Variants in DAB1 observed in about 807,000 individuals in gnomAD.
DAB1 encodes DAB adaptor protein 1, also known as disabled homolog 1.
A neutral mutation model predicts 64.6 loss-of-function variants in DAB1; 15 were observed. The ratio of observed to expected loss-of-function variants is 0.23; its 90% CI spans 0.16 to 0.36. The LOEUF is 0.36. Among genes scored for constraint, DAB1 ranks in the 10% least tolerant of loss-of-function variants. The probability of loss-of-function intolerance (pLI) is 1.00; values close to 1 mark genes in which losing one functional copy is unlikely to be tolerated. For synonymous variants in DAB1, 235 were observed against 251.9 expected (o/e 0.93, Z 0.64); for missense variants, 596 against 706.7 (o/e 0.84, Z 1.78).
chr1:57,586,416 G>T (rs1253755355), intron 7 of DAB1, among the ~76,000 whole-genome samples: 1 of 152,100 alleles, frequency 6.6e-6, no homozygotes, highest in Non-Finnish European at 1.5e-5. Flanking sequence ...CTGAGGGCAG[G>T]AAATGTAATA....
At position 58,090,526 on chromosome 1, in the gene DAB1, G is replaced by T. The variant is rs144787500; in HGVS notation, n.387+59985C>A. 7.5e-3 allele frequency among the ~76,000 whole-genome samples: 1,138 copies of T among 152,244 alleles called. 21 individuals carry two copies. The highest frequency in any genetic ancestry group is 0.024 in the African/African-American group (1,004 of 41,538). Reference sequence around the variant, plus strand: ...CATCTGCTGGGGTTTACATTTAGTCGTTGAGATTTGGATTCTAACTTTTCC... The same window carrying T: ...CATCTGCTGGGGTTTACATTTAGTCTTTGAGATTTGGATTCTAACTTTTCC... On this transcript the variant is annotated intron_variant and non_coding_transcript_variant, in intron 5 of 20. Transcript: ENST00000485760.
chr1:57,622,165 C>A (rs1404149517), intron 7 of DAB1, among the ~76,000 whole-genome samples: 2 of 152,156 alleles, frequency 1.3e-5, no homozygotes, highest in Non-Finnish European at 2.9e-5. Context: ...TTCAGTTATA[C>A]CCTTTGGGGG....
At chr1:57,746,525 T>C (rs946717403) in intron 6 of DAB1, among the ~76,000 whole-genome samples, 1 of 152,178 alleles carries the variant, frequency 6.6e-6, no homozygotes, top group Non-Finnish European at 1.5e-5. Flanking sequence ...TACATTTCCT[T>C]TACCCATTTT....
chr1:58,341,164 T>C (rs995619244), intron 4 of DAB1, among the ~76,000 whole-genome samples: 1 of 152,154 alleles, frequency 6.6e-6, no homozygotes, highest in Non-Finnish European at 1.5e-5. Context: ...AGAGGAGAAA[T>C]GTGTCATATG....
intron 2 of DAB1, among the ~76,000 whole-genome samples, chr1:57,162,316 G>C (rs193162896): frequency 2.7e-4 from 41 of 152,314 alleles, no homozygotes; most frequent in African/African-American, 9.6e-4. Flanking sequence ...GATTACAAAA[G>C]AATGCCCGTA....
intron 1 of DAB1, among the ~76,000 whole-genome samples, chr1:57,294,662 A>G (rs1487439327): frequency 1.3e-5 from 2 of 152,174 alleles, no homozygotes; most frequent in South Asian, 2.1e-4. Context: ...ATTATTTGAT[A>G]CAATTCATTC....
chr1:57,295,584 G>A (rs779861395), intron 1 of DAB1, among the ~76,000 whole-genome samples: 1 of 152,084 alleles, frequency 6.6e-6, no homozygotes, highest in South Asian at 2.1e-4. Context: ...TGTGAGATTT[G>A]GAAGATAAAT....
chr1:57,560,525 A>T (rs746583703), intron 7 of DAB1, among the ~76,000 whole-genome samples: 9 of 152,214 alleles, frequency 5.9e-5, no homozygotes, highest in Admixed American at 1.3e-4. Flanking sequence ...ACAACCAAGA[A>T]AGAGGCATAA....
At chr1:57,852,867 TTTTG>T (rs1257651353) in intron 1 of DAB1, among the ~76,000 whole-genome samples, 4 of 152,134 alleles carry the variant, frequency 2.6e-5, no homozygotes, top group Admixed American at 2.6e-4. Context: ...ATACTGACTG[TTTTG>T]TTTGTGACAG....
At position 58,139,049 on chromosome 1, in the gene DAB1, G is replaced by C. The variant is rs546975743; in HGVS notation, n.387+11462C>G. Among the ~76,000 whole-genome samples, 3 of 152,138 alleles carry C rather than the reference G, an allele frequency of 2.0e-5. No individual in the cohort carries two copies. The East Asian group carries it at 5.8e-4, about 30-fold the overall frequency. ...TCCACCATCAAGGTGTGTAATTTGG[G>C]GCTTTTTCCTTCATGAGATCTCAGC... On this transcript the variant is annotated intron_variant and non_coding_transcript_variant, in intron 5 of 20. Coordinates refer to the DAB1 transcript ENST00000485760.
At chr1:57,732,451 T>A (rs1647480597) in intron 6 of DAB1, among the ~76,000 whole-genome samples, 1 of 152,130 alleles carries the variant, frequency 6.6e-6, no homozygotes, top group African/African-American at 2.4e-5. Flanking sequence ...TTGAGACCAA[T>A]TGCTACGATT....
At chr1:57,334,683 G>T (rs1005230565) in intron 1 of DAB1, among the ~76,000 whole-genome samples, 2 of 152,162 alleles carry the variant, frequency 1.3e-5, no homozygotes, top group African/African-American at 2.4e-5. Context: ...GATAAGCATT[G>T]TTTTAAGCTT....
chr1:57,814,966 T>G (rs1183992889), intron 6 of DAB1, among the ~76,000 whole-genome samples: 1 of 152,164 alleles, frequency 6.6e-6, no homozygotes, highest in Admixed American at 6.5e-5. Context: ...GTAGCAGGGG[T>G]TTACAAACTA....
chr1:57,896,556 T>A (rs1644394879), intron 5 of DAB1, among the ~76,000 whole-genome samples: 1 of 151,844 alleles, frequency 6.6e-6, no homozygotes, highest in African/African-American at 2.4e-5. Context: ...TTCAGTGGAG[T>A]GGTAAGGGAC....
At chr1:57,547,103 G>C (rs1024272698) in intron 7 of DAB1, among the ~76,000 whole-genome samples, 1 of 149,988 alleles carries the variant, frequency 6.7e-6, no homozygotes, top group Non-Finnish European at 1.5e-5. Context: ...GAAAAATAAC[G>C]AAAGAAGGCA....
chr1:58,242,346 G>T (rs1289810289), intron 4 of DAB1, among the ~76,000 whole-genome samples: 4 of 152,012 alleles, frequency 2.6e-5, no homozygotes, highest in Non-Finnish European at 5.9e-5. Context: ...AAGGCATCTG[G>T]ATTGTTAGAC....
At chr1:58,000,985 C>T (rs1646498887) in intron 5 of DAB1, among the ~76,000 whole-genome samples, 1 of 152,088 alleles carries the variant, frequency 6.6e-6, no homozygotes. Flanking sequence ...CCCTTGTTCT[C>T]CCTACCTACC....
chr1:58,393,464 T>C (rs1409953931), intron 3 of DAB1, among the ~76,000 whole-genome samples: 3 of 152,204 alleles, frequency 2.0e-5, no homozygotes, highest in African/African-American at 7.2e-5. Flanking sequence ...CTCTAAGAAG[T>C]AGACACATTT....
intron 2 of DAB1, among the ~76,000 whole-genome samples, chr1:57,247,312 T>C (rs1395541622): frequency 1.3e-5 from 2 of 152,152 alleles, no homozygotes; most frequent in African/African-American, 4.8e-5. Flanking sequence ...GATTTGACCA[T>C]TTGAAAGTGT....
Sources: gnomAD v4.1 joint callset for allele counts (sites outside exome capture counted in the v4.1 genomes callset) on GRCh38, gnomAD v4.1.1 for gene constraint, MANE v1.5 for transcripts, NCBI Gene and HGNC (gene_info 2026-07-23, HGNC 2026-07-21) for gene names.